Variants in TJP2 observed in about 807,000 individuals in gnomAD.
TJP2 encodes the protein tight junction protein 2.
Under a neutral mutation model 133.1 loss-of-function variants are expected in TJP2, and 91 were observed. The ratio of observed to expected loss-of-function variants is 0.68; its 90% CI spans 0.58 to 0.81. The LOEUF (loss-of-function observed/expected upper bound fraction) is 0.81, where lower values mean the gene tolerates loss of function less well. TJP2 is among the 40% of genes least tolerant of loss of function. TJP2 has a pLI of 0.00. For missense variants in TJP2, 1,541 were observed against 1,565.6 expected (o/e 0.98, Z 0.26); for synonymous variants, 592 against 583.4 (o/e 1.01, Z -0.21).
intron 1 of TJP2, among the ~76,000 whole-genome samples, chr9:69,203,614 T>TTTTC (rs1827170550): frequency 8.8e-6 from 1 of 113,800 alleles, no homozygotes; most frequent in African/African-American, 2.9e-5. Flanking sequence ...TGGATTTTTT[T>TTTTC]TTTTTTTTTT....
chr9:69,166,429 G>GTAAAACAGTT (rs1396188697), intron 2 of TJP2, among the ~76,000 whole-genome samples: 1 of 151,044 alleles, frequency 6.6e-6, no homozygotes, highest in African/African-American at 2.4e-5. Context: ...ACAGTAAACA[G>GTAAAACAGTT]TAAAACAGTT....
At chr9:69,122,678 C>G (rs774728709) in intron 1 of TJP2, among the ~76,000 whole-genome samples, 3 of 152,132 alleles carry the variant, frequency 2.0e-5, no homozygotes, top group Non-Finnish European at 2.9e-5. Context: ...AGGGCATTTT[C>G]AAGACTATTT....
upstream of TJP2, chr9:69,121,316 C>T: frequency 1.0e-6 from 1 of 985,438 alleles, no homozygotes; most frequent in Non-Finnish European, 1.2e-6. Flanking sequence ...GCAGCTGCGT[C>T]TCCCTCCCGG....
intron 22 of TJP2, chr9:69,253,213 T>C: frequency 5.1e-6 from 2 of 390,626 alleles, no homozygotes; most frequent in South Asian, 5.6e-5. Context: ...TCCTACGGCT[T>C]AGACCTGTTT....
rs908336516 is a variant in TJP2 at position 69,176,227 on chromosome 9, A to G, written c.60+1795A>G. ...TCACCCGAGCAAGCCACTATAGAAAATGGGGCCAGTAATGCGCCCACCTCA... is the reference window on the plus strand; with the variant it reads ...TCACCCGAGCAAGCCACTATAGAAAGTGGGGCCAGTAATGCGCCCACCTCA... On this transcript the variant is annotated intron_variant, in intron 1 of 22. Transcript: ENST00000377245. 1.7e-4 allele frequency among the ~76,000 whole-genome samples: 26 copies of G among 152,218 alleles called. 1 individual carries two copies. The highest frequency in any genetic ancestry group is 3.1e-4 in the Non-Finnish European group (21 of 68,044).
At chr9:69,178,974 TTA>T (rs1427982146) in intron 1 of TJP2, among the ~76,000 whole-genome samples, 3 of 24,912 alleles carry the variant, frequency 1.2e-4, no homozygotes, top group Non-Finnish European at 1.9e-4. Flanking sequence ...TTTTTTTTTC[TTA>T]TTTTTTTTTT....
chr9:69,237,017 G>C lies in TJP2; in HGVS notation c.2060G>C (p.Arg687Thr), dbSNP rs1324496055. The C allele has an allele frequency of 6.2e-7, 1 of 1,614,186 alleles. No homozygotes were observed. Among genetic ancestry groups the C allele is most frequent in the Non-Finnish European group, 8.5e-7 (1 of 1,180,020 alleles). ...DNAGDRADFW[R>T]MRGQRSGVKK... ...GCTGGGGACCGGGCAGATTTCTGGA[G>C]AATGCGTGGCCAGAGGTCTGGGGTG... Residue 687 changes from arginine (R) to threonine (T), a missense_variant, in exon 14 of 23, where the codon AGA (arginine) becomes ACA (threonine). Transcript: ENST00000377245.
At chr9:69,196,946 T>TGTAC (rs796739890) in intron 1 of TJP2, among the ~76,000 whole-genome samples, 91 of 134,226 alleles carry the variant, frequency 6.8e-4, no homozygotes, top group African/African-American at 2.4e-3. Context: ...TGTGTGTGTG[T>TGTAC]ACACACACAC....
chr9:69,148,247 A>ATT (rs757371061), intron 1 of TJP2, among the ~76,000 whole-genome samples: 4 of 83,336 alleles, frequency 4.8e-5, no homozygotes, highest in Admixed American at 1.4e-4. Flanking sequence ...ATTTTTTTTA[A>ATT]TTTTTTTTTT....
chr9:69,238,910 G>A lies in TJP2; in HGVS notation c.2355+121G>A, dbSNP rs374014657. 1.2e-4 allele frequency: 106 copies of A among 882,800 alleles called. No homozygotes were observed. In the East Asian group the frequency reaches 1.6e-3, roughly 13 times the overall value. The allele number at this position is 882,800 out of a possible 1,614,324, so 54.7% of individuals were successfully genotyped here. A position where few individuals can be genotyped will look rare whatever the true frequency, so the allele number is the denominator to read the frequency against. On this transcript the variant is annotated intron_variant, in intron 16 of 22. Coordinates refer to ENST00000377245, the MANE Select transcript of TJP2 (RefSeq NM_004817.4). ...AAATGTTAATAATAAAAAATTGGCC[G>A]GGCACAGTGGCTTACACCTGTAATC...
At chr9:69,194,363 C>T (rs773906970) in intron 1 of TJP2, among the ~76,000 whole-genome samples, 4 of 152,020 alleles carry the variant, frequency 2.6e-5, no homozygotes, top group Non-Finnish European at 5.9e-5. Flanking sequence ...TTAAAAATGC[C>T]GTTTGATCTA....
chr9:69,229,294 C>G lies in TJP2; in HGVS notation c.1520+44C>G, dbSNP rs373437017. On this transcript the variant is annotated intron_variant, in intron 10 of 22. Transcript: ENST00000377245. The stretch of plus-strand genomic sequence containing the variant: ...CTTTGTTTTCCCTTCTTCCTTACAG[C>G]TCTGTCTCTGTAACTGAAATCCAGA... The G allele has an allele frequency of 9.6e-5, 150 of 1,570,540 alleles. No individual in the cohort carries two copies. Among genetic ancestry groups the G allele is most frequent in the Non-Finnish European group, 1.2e-4 (137 of 1,140,562 alleles).
upstream of TJP2, among the ~76,000 whole-genome samples, chr9:69,169,372 G>A (rs946003990): frequency 2.2e-4 from 33 of 147,816 alleles, no homozygotes; most frequent in South Asian, 4.3e-3. Context: ...TTTTTTTTGG[G>A]GGGGGGATGG....
chr9:69,230,365 A>G (rs1277123072), intron 11 of TJP2, 133 bp downstream of exon 11: 3 of 1,137,876 alleles, frequency 2.6e-6, no homozygotes, highest in Non-Finnish European at 3.9e-6. Flanking sequence ...GATGCCCAGC[A>G]TTGAAGTCTC....
intron 1 of TJP2, among the ~76,000 whole-genome samples, chr9:69,209,442 GCTTT>G (rs1191443224): frequency 3.3e-5 from 5 of 152,114 alleles, no homozygotes; most frequent in Non-Finnish European, 7.3e-5. Context: ...CCCGGTTTCT[GCTTT>G]CTGTTTCCAT....
intron 15 of TJP2, 53 bp from the exon 16 acceptor site, chr9:69,238,657 G>A: frequency 7.0e-7 from 1 of 1,431,950 alleles, no homozygotes; most frequent in African/African-American, 1.4e-5. Flanking sequence ...GGGAGTATTT[G>A]GTTGTCACTG....
chr9:69,159,566 T>G (rs7854933), intron 2 of TJP2, among the ~76,000 whole-genome samples: 122,497 of 152,128 alleles, frequency 0.81, 49,524 homozygotes, highest in Admixed American at 0.83. Context: ...TCTGATAGCT[T>G]TAGCTCAGCA....
chr9:69,242,824 C>T (rs560064165), intron 17 of TJP2, among the ~76,000 whole-genome samples: 3 of 152,288 alleles, frequency 2.0e-5, no homozygotes, highest in Admixed American at 6.5e-5. Context: ...CTAGTCTTTA[C>T]ATTTGAGCAG....
chr9:69,249,355 T>G lies in TJP2; in HGVS notation c.2881-20T>G. On this transcript the variant is annotated intron_variant, in intron 19 of 22. Transcript: ENST00000377245. ...TCTGCTTGGATGTTCTTGTTGTGAA[T>G]GAACCTTTATGTCTTGTAGAGCATA... 1.3e-6 allele frequency: 2 copies of G among 1,593,738 alleles called. No homozygotes were observed. The highest frequency in any genetic ancestry group is 2.3e-5 in the South Asian group (2 of 87,992).
Sources: gnomAD v4.1 joint callset for allele counts (sites outside exome capture counted in the v4.1 genomes callset) on GRCh38, gnomAD v4.1.1 for gene constraint, MANE v1.5 for transcripts, NCBI Gene and HGNC (gene_info 2026-07-23, HGNC 2026-07-21) for gene names.